RNF123: variants seen among roughly 807,000 people sequenced by gnomAD.
RNF123 encodes the protein ring finger protein 123.
RNF123 carries 86 observed loss-of-function variants against 168.5 expected under a neutral mutation model. The observed-to-expected ratio is 0.51, with a 90% CI of 0.43 to 0.61. The LOEUF (loss-of-function observed/expected upper bound fraction) is 0.61, where lower values mean the gene tolerates loss of function less well. Ranked by LOEUF, RNF123 falls within the 20% of genes least tolerant of loss-of-function variation. The pLI is 0.00. For synonymous variants in RNF123, 666 were observed against 689.1 expected (o/e 0.97, Z 0.52); for missense variants, 1,419 against 1,729.7 (o/e 0.82, Z 3.19).
At chr3:49,698,854 C>T in intron 9 of RNF123, 32 bp downstream of exon 9, 1 of 1,610,320 alleles carries the variant, frequency 6.2e-7, no homozygotes, top group Non-Finnish European at 8.5e-7. Context: ...ACAGGCCTGG[C>T]CCCTGGGGCC....
chr3:49,720,848 T>A lies in RNF123; in HGVS notation c.3692T>A (p.Leu1231Gln). The A allele has an allele frequency of 6.2e-7, 1 of 1,614,200 alleles. No individual in the cohort carries two copies. The highest frequency in any genetic ancestry group is 8.5e-7 in the Non-Finnish European group (1 of 1,180,032). ...GAGCTGGCCCAAGTGGAACAGATGC[T>A]GGCGCACCTGACCTCTGCATCTGCC... is the stretch of plus-strand genomic sequence containing the variant. ...ADELAQVEQM[L>Q]AHLTSASAQA... Residue 1231 changes from leucine (L) to glutamine (Q), a missense_variant, in exon 37 of 39, where the codon CTG becomes CAG. By Grantham distance (113) the Leu-to-Gln change is moderately radical. Around this residue, in one of 5 missense-constraint regions of RNF123, gnomAD observed 164 missense variants for 152.3 expected, o/e 1.08. Transcript: ENST00000327697.
Position 49,700,457 on chromosome 3 carries a change from C to T in RNF123, c.1111-15C>T. 3.7e-6 allele frequency: 6 copies of T among 1,613,356 alleles called. No homozygotes were observed. The highest frequency in any genetic ancestry group is 5.1e-6 in the Non-Finnish European group (6 of 1,179,324). Reference sequence around the variant, plus strand: ...AAGGCCCCAGTCATGGCTGCCTTGGCATCTCTTCCCCCAGGACTACGAGGT... The same window carrying T: ...AAGGCCCCAGTCATGGCTGCCTTGGTATCTCTTCCCCCAGGACTACGAGGT... On this transcript the variant is annotated splice_polypyrimidine_tract_variant and intron_variant, in intron 13 of 38. Coordinates refer to ENST00000327697, the MANE Select transcript of RNF123 (RefSeq NM_022064.5).
chr3:49,705,735 G>T, intron 24 of RNF123, 56 bp downstream of exon 24: 1 of 1,609,958 alleles, frequency 6.2e-7, no homozygotes, highest in East Asian at 2.2e-5. Context: ...GTTTGGTTGT[G>T]TGTGTATTCC....
intron 24 of RNF123, 83 bp from the exon 25 acceptor site, chr3:49,705,899 G>C: frequency 6.6e-7 from 1 of 1,515,252 alleles, no homozygotes; most frequent in Non-Finnish European, 9.1e-7. Context: ...GACCTTGGCA[G>C]GGCTGGGGTC....
intron 19 of RNF123, 86 bp from the exon 20 acceptor site, chr3:49,702,547 C>T: frequency 1.9e-6 from 3 of 1,610,674 alleles, no homozygotes; most frequent in Non-Finnish European, 2.5e-6. Flanking sequence ...CCTGCTTAAC[C>T]CTCGACCCTC....
At chr3:49,717,557 C>A in intron 35 of RNF123, 1 of 247,508 alleles carries the variant, frequency 4.0e-6, no homozygotes, top group Non-Finnish European at 7.9e-6. Flanking sequence ...TGAGGGTGGA[C>A]GGGAGGCTCT....
intron 26 of RNF123, among the ~76,000 whole-genome samples, chr3:49,710,660 C>T (rs990279086): frequency 3.9e-5 from 6 of 152,162 alleles, no homozygotes; most frequent in African/African-American, 1.4e-4. Context: ...GGATTTTCTA[C>T]TTATAAAATC....
At chr3:49,713,079 C>G in intron 27 of RNF123, 1 of 604,890 alleles carries the variant, frequency 1.7e-6, no homozygotes, top group Non-Finnish European at 3.0e-6. Flanking sequence ...GGTCCACATC[C>G]GAACCTGGGC....
chr3:49,692,524 C>T (rs1358673058), intron 3 of RNF123, among the ~76,000 whole-genome samples: 1 of 152,096 alleles, frequency 6.6e-6, no homozygotes, highest in East Asian at 1.9e-4. Context: ...TTTAAATGTA[C>T]AATTATTATT....
At chr3:49,711,682 G>T (rs2108195983) in intron 26 of RNF123, among the ~76,000 whole-genome samples, 1 of 152,244 alleles carries the variant, frequency 6.6e-6, no homozygotes, top group African/African-American at 2.4e-5. Flanking sequence ...GGTGCTGTGG[G>T]TCTGGGCTGG....
At chr3:49,720,721 C>T in intron 36 of RNF123, 68 bp downstream of exon 36, 1 of 1,604,032 alleles carries the variant, frequency 6.2e-7, no homozygotes, top group Admixed American at 1.7e-5. Context: ...TTAAGAACAG[C>T]AAAGTCCTAG....
intron 7 of RNF123, 127 bp from the exon 8 acceptor site, chr3:49,698,313 C>G (rs11130214): frequency 0.29 from 271,632 of 943,516 alleles, 40,794 homozygotes; most frequent in Non-Finnish European, 0.31. Flanking sequence ...GAGAATACCT[C>G]TTACTCTTTC....
In RNF123 at chr3:49,719,151, G is replaced by C. The variant is rs201142400; in HGVS notation, c.3501-1360G>C. 20 of 1,613,590 alleles carry C rather than the reference G, an allele frequency of 1.2e-5. No homozygotes were observed. In the African/African-American group the frequency reaches 2.5e-4, roughly 20 times the overall value. ...GCAGCCTCAGGCCGCTGGCGTTGAC[G>C]AAGACGCCGCGACCCAGCGCATCTA... is the stretch of plus-strand genomic sequence containing the variant. On this transcript the variant is annotated intron_variant, in intron 35 of 38. Transcript: ENST00000327697.
At position 49,715,845 on chromosome 3, in the gene RNF123, G is replaced by C. The variant is rs753130625; in HGVS notation, c.3174G>C (p.Leu1058=). ...IQEIQQAAER[L]ERNFVDSRQL... is the part of the protein sequence containing the mutation. ...AGATCCAGCAGGCTGCTGAGCGCCTGGAGCGGAACTTTGTGGACAGCCGGC... is the reference window on the plus strand; with the variant it reads ...AGATCCAGCAGGCTGCTGAGCGCCTCGAGCGGAACTTTGTGGACAGCCGGC... The change falls in exon 33 of 39, where the codon CTG becomes CTC. Residue 1058 remains leucine, a synonymous_variant. Coordinates refer to ENST00000327697, the MANE Select transcript of RNF123 (RefSeq NM_022064.5). 1 of 1,614,120 alleles carries C rather than the reference G, an allele frequency of 6.2e-7. No homozygotes were observed. Among genetic ancestry groups the C allele is most frequent in the Non-Finnish European group, 8.5e-7 (1 of 1,180,036 alleles).
At chr3:49,702,518 T>C in intron 19 of RNF123, 113 bp downstream of exon 19, 4 of 1,605,984 alleles carry the variant, frequency 2.5e-6, no homozygotes, top group South Asian at 1.1e-5. Context: ...CCCAAGCTTT[T>C]CTCTGCTGCT....
Position 49,702,400 on chromosome 3 carries a change from CG to C in RNF123, c.1629+1del. 6.2e-7 allele frequency: 1 copy of C among 1,614,100 alleles called. No individual in the cohort carries two copies. The highest frequency in any genetic ancestry group is 8.5e-7 in the Non-Finnish European group (1 of 1,179,994). On this transcript the variant is annotated frameshift_variant, in exon 19 of 39. Transcript: ENST00000327697. LOFTEE classifies it high-confidence loss of function. ...GTTTCTGCAGGAGAACGCCAGTGGC[CG>C]GGGGGTAGGTGTCCTCCAGGCCAGC... ...RKFLQENASG[R>X]GNMPMLCPPE...
chr3:49,708,231 T>C (rs2080070587), intron 26 of RNF123, among the ~76,000 whole-genome samples: 1 of 152,240 alleles, frequency 6.6e-6, no homozygotes, highest in Non-Finnish European at 1.5e-5. Context: ...CCCAAAGTGC[T>C]GGGGTTACAG....
intron 27 of RNF123, chr3:49,712,947 A>G (rs1403280734): frequency 1.8e-5 from 13 of 702,886 alleles, no homozygotes; most frequent in Non-Finnish European, 2.9e-5. Context: ...AGCAACTGCC[A>G]TGGTCCAGGA....
chr3:49,699,929 C>T lies in RNF123; in HGVS notation c.984+157C>T. On this transcript the variant is annotated intron_variant, in intron 12 of 38. Transcript: ENST00000327697. The surrounding 1 kb of genome is among the most constrained non-coding windows in gnomAD (Gnocchi z 4.8). ...CCAGGGCCCTCAGACCTCAGTCAGT[C>T]CCCTAGGGAAACAGGGACATTGCCA... is the stretch of plus-strand genomic sequence containing the variant. 1 of 750,446 alleles carries T rather than the reference C, an allele frequency of 1.3e-6. No homozygotes were observed. The highest frequency in any genetic ancestry group is 2.4e-5 in the Admixed American group (1 of 41,394). 46.5% of individuals were successfully genotyped at this position (750,446 alleles called of 1,614,324 possible).
Sources: allele counts gnomAD v4.1 joint callset (sites outside exome capture counted in the v4.1 genomes callset), GRCh38; gene constraint gnomAD v4.1.1; regional missense constraint gnomAD v4.1.1; non-coding constraint Gnocchi (gnomAD v3.1); transcripts MANE v1.5; gene names NCBI Gene and HGNC (gene_info 2026-07-23, HGNC 2026-07-21).